SUMF1: variants seen among roughly 807,000 people sequenced by gnomAD.
The protein encoded by SUMF1 is sulfatase modifying factor 1, also known as formylglycine-generating enzyme.
SUMF1 carries 48 observed loss-of-function variants against 47.6 expected under a neutral mutation model. The observed-to-expected ratio is 1.01, with a 90% CI of 0.80 to 1.28. The LOEUF (loss-of-function observed/expected upper bound fraction) is 1.28, where lower values mean the gene tolerates loss of function less well. Among genes scored for constraint, SUMF1 ranks in the 50% most tolerant of loss-of-function variants. The probability of loss-of-function intolerance (pLI) is 0.00; values close to 1 mark genes in which losing one functional copy is unlikely to be tolerated. For synonymous variants in SUMF1, 230 were observed against 192.1 expected, an observed-to-expected ratio of 1.20 and a Z score of -1.63; for missense variants, 571 against 485.4, an observed-to-expected ratio of 1.18 and a Z score of -1.66.
At chr3:4,216,628 G>A (rs1412078509) in intron 8 of SUMF1, among the ~76,000 whole-genome samples, 2 of 149,742 alleles carry the variant, frequency 1.3e-5, no homozygotes, top group African/African-American at 4.9e-5. Context: ...GAGAAAAAAG[G>A]GCCAATATCC....
intron 8 of SUMF1, among the ~76,000 whole-genome samples, chr3:4,165,837 T>C (rs1482018527): frequency 1.4e-5 from 2 of 138,494 alleles, no homozygotes; most frequent in African/African-American, 5.6e-5. Flanking sequence ...AAAAAAAAAA[T>C]GCCCGTGGTT....
chr3:4,185,817 A>T (rs1485054162), intron 8 of SUMF1, among the ~76,000 whole-genome samples: 2 of 152,198 alleles, frequency 1.3e-5, no homozygotes, highest in Non-Finnish European at 2.9e-5. Flanking sequence ...GGAATGATAG[A>T]TAATACTGGC....
chr3:4,370,137 T>C (rs761053276), intron 8 of SUMF1, among the ~76,000 whole-genome samples: 6 of 152,012 alleles, frequency 3.9e-5, no homozygotes, highest in Non-Finnish European at 8.8e-5. Context: ...CTACTTTCGA[T>C]AGGGTGGTGG....
At chr3:4,159,654 G>C (rs966999872) in intron 8 of SUMF1, among the ~76,000 whole-genome samples, 1 of 152,046 alleles carries the variant, frequency 6.6e-6, no homozygotes, top group African/African-American at 2.4e-5. Flanking sequence ...TGTACCTTCA[G>C]ATGACTTCTT....
intron 1 of SUMF1, among the ~76,000 whole-genome samples, chr3:4,464,825 G>A (rs1158933004): frequency 6.6e-6 from 1 of 152,168 alleles, no homozygotes; most frequent in Non-Finnish European, 1.5e-5. Flanking sequence ...GCCCTTGAAG[G>A]CTTGAAGGTA....
chr3:4,434,234 C>A (rs1702327292), intron 3 of SUMF1, among the ~76,000 whole-genome samples: 1 of 152,156 alleles, frequency 6.6e-6, no homozygotes, highest in South Asian at 2.1e-4. Flanking sequence ...CTTAGTGCCA[C>A]TGAATTTTAT....
chr3:4,320,141 A>T lies in SUMF1; in HGVS notation c.1014+56189T>A, dbSNP rs139602108. On this transcript the variant is annotated intron_variant and NMD_transcript_variant, in intron 8 of 12. Transcript: ENST00000448413. Reference sequence around the variant, plus strand: ...TGCACAAAGGGTCAAAATTTTATGTAAACAATTTTAATCATTTAAGAAGTC... The same window carrying T: ...TGCACAAAGGGTCAAAATTTTATGTTAACAATTTTAATCATTTAAGAAGTC... Among the ~76,000 whole-genome samples the T allele has an allele frequency of 6.6e-3, 1,008 of 152,310 alleles. 6 individuals are homozygous for T. The highest frequency in any genetic ancestry group is 0.011 in the Non-Finnish European group (763 of 68,010).
chr3:4,254,286 A>G (rs1696890991), intron 8 of SUMF1, among the ~76,000 whole-genome samples: 1 of 151,920 alleles, frequency 6.6e-6, no homozygotes, highest in African/African-American at 2.4e-5. Flanking sequence ...GAGCTGAGAG[A>G]AGAAGGCTTC....
intron 3 of SUMF1, among the ~76,000 whole-genome samples, chr3:4,437,481 G>C (rs75749405): frequency 6.6e-6 from 1 of 152,000 alleles, no homozygotes; most frequent in Non-Finnish European, 1.5e-5. Context: ...AGAATAAGCA[G>C]AAGGCAAAGA....
intron 1 of SUMF1, among the ~76,000 whole-genome samples, chr3:4,457,058 G>T (rs866463783): frequency 1.2e-5 from 1 of 86,048 alleles, no homozygotes; most frequent in Non-Finnish European, 3.0e-5. Flanking sequence ...ATACGTGTGT[G>T]TATATATATA....
In SUMF1 at chr3:4,298,804, T is replaced by G. The variant is rs146764804; in HGVS notation, c.1014+77526A>C. Among the ~76,000 whole-genome samples, 212 of 152,334 alleles carry G rather than the reference T, an allele frequency of 1.4e-3. 1 individual carries two copies. The highest frequency in any genetic ancestry group is 4.1e-3 in the African/African-American group (169 of 41,570). ...CTTTTCTTAAAATGAATGAACAGCA[T>G]GTTCTCTGAATATCTGAGAAATTCC... is the stretch of plus-strand genomic sequence containing the variant. On this transcript the variant is annotated intron_variant and NMD_transcript_variant, in intron 8 of 12. Coordinates refer to the SUMF1 transcript ENST00000448413.
intron 3 of SUMF1, among the ~76,000 whole-genome samples, chr3:4,425,448 A>G (rs1575207391): frequency 6.6e-6 from 1 of 152,198 alleles, no homozygotes; most frequent in Non-Finnish European, 1.5e-5. Flanking sequence ...TAGAGCTTTC[A>G]GAGAACATAT....
At chr3:4,274,490 G>A (rs1697372983) in intron 8 of SUMF1, among the ~76,000 whole-genome samples, 2 of 152,154 alleles carry the variant, frequency 1.3e-5, no homozygotes, top group South Asian at 4.1e-4. Flanking sequence ...GAGGCTAAGA[G>A]GATTAAGCCA....
intron 1 of SUMF1, among the ~76,000 whole-genome samples, chr3:4,462,294 C>G (rs974373420): frequency 7.2e-5 from 11 of 152,234 alleles, no homozygotes; most frequent in Admixed American, 2.6e-4. Context: ...CATCTTTGAA[C>G]TTTTGCTGGA....
intron 8 of SUMF1, among the ~76,000 whole-genome samples, chr3:4,263,178 T>C (rs745680270): frequency 6.6e-6 from 1 of 152,214 alleles, no homozygotes; most frequent in Non-Finnish European, 1.5e-5. Context: ...CAATCTGTAA[T>C]ATTAGGTTAT....
chr3:4,438,814 A>G (rs1440203639), intron 3 of SUMF1, among the ~76,000 whole-genome samples: 1 of 152,138 alleles, frequency 6.6e-6, no homozygotes, highest in Non-Finnish European at 1.5e-5. Context: ...CCTATAATGG[A>G]TATGTATAGA....
chr3:4,261,001 A>T (rs77281165), intron 8 of SUMF1, among the ~76,000 whole-genome samples: 4,093 of 152,258 alleles, frequency 0.027, 79 homozygotes, highest in African/African-American at 0.035. Flanking sequence ...TAGAACCATA[A>T]AAGTTTTTGT....
At chr3:4,258,557 T>A (rs312096) in intron 8 of SUMF1, among the ~76,000 whole-genome samples, 7 of 151,882 alleles carry the variant, frequency 4.6e-5, no homozygotes, top group East Asian at 3.9e-4. Flanking sequence ...TCAAAACCAC[T>A]ATGAGATACC....
At chr3:4,166,364 T>A (rs1458484728) in intron 8 of SUMF1, among the ~76,000 whole-genome samples, 3 of 152,138 alleles carry the variant, frequency 2.0e-5, no homozygotes, top group Non-Finnish European at 2.9e-5. Flanking sequence ...AGGAAGGATA[T>A]AATTTCTGAG....
Sources: gnomAD v4.1 joint callset for allele counts (sites outside exome capture counted in the v4.1 genomes callset) on GRCh38, gnomAD v4.1.1 for gene constraint, MANE v1.5 for transcripts, NCBI Gene and HGNC (gene_info 2026-07-23, HGNC 2026-07-21) for gene names.